The following WDHD1 variants were observed in gnomAD, a reference collection of about 807,000 sequenced individuals.
WDHD1 encodes the protein WD repeat and HMG-box DNA-binding protein 1.
In WDHD1, 111 loss-of-function variants were observed where a neutral mutation model predicts 135.4. The ratio of observed to expected loss-of-function variants is 0.82; its 90% CI spans 0.70 to 0.96. WDHD1 has a LOEUF of 0.96. WDHD1 is among the 40% of genes least tolerant of loss of function. The pLI, the probability that WDHD1 is intolerant of heterozygous loss-of-function variation, is 0.00. For missense variants in WDHD1, 1,351 were observed against 1,336.3 expected (o/e 1.01, Z -0.17); for synonymous variants, 434 against 439.0 (o/e 0.99, Z 0.14).
At chr14:55,009,709 G>A (rs1019086250) in intron 4 of WDHD1, among the ~76,000 whole-genome samples, 27 of 152,162 alleles carry the variant, frequency 1.8e-4, no homozygotes, top group Non-Finnish European at 3.5e-4. Flanking sequence ...TGGGATTACA[G>A]GCATGAGCCA....
intron 16 of WDHD1, among the ~76,000 whole-genome samples, chr14:54,974,722 G>A (rs2041496658): frequency 6.6e-6 from 1 of 152,126 alleles, no homozygotes; most frequent in Non-Finnish European, 1.5e-5. Context: ...AGCTACTTGG[G>A]AGGCTGAGGC....
chr14:54,943,905 AC>A (rs1172610327), intron 25 of WDHD1, among the ~76,000 whole-genome samples: 1 of 152,000 alleles, frequency 6.6e-6, no homozygotes, highest in Non-Finnish European at 1.5e-5. Flanking sequence ...AGCCATGATC[AC>A]ACCACGACAC....
chr14:54,944,646 G>A (rs1301194957), intron 24 of WDHD1, 176 bp from the exon 25 acceptor site: 339 of 476,980 alleles, frequency 7.1e-4, no homozygotes, highest in Admixed American at 1.9e-3. Flanking sequence ...TTGAGACAGA[G>A]TCTCACTCTG....
At chr14:54,987,437 CATAT>C in intron 13 of WDHD1, 50 bp from the exon 14 acceptor site, 5 of 1,349,926 alleles carry the variant, frequency 3.7e-6, no homozygotes, top group Non-Finnish European at 5.0e-6. Context: ...ATGATATTTA[CATAT>C]ATATATATAT....
At chr14:54,955,448 C>T in intron 24 of WDHD1, 113 bp downstream of exon 24, 1 of 1,118,434 alleles carries the variant, frequency 8.9e-7, no homozygotes. Flanking sequence ...TGCCCACTAC[C>T]AATGCCAATG....
At chr14:54,989,235 A>G (rs1467800495) in intron 12 of WDHD1, 23 bp from the exon 13 acceptor site, 10 of 1,579,464 alleles carry the variant, frequency 6.3e-6, no homozygotes, top group South Asian at 2.4e-5. Context: ...AAGATTAAAT[A>G]TAAGTCTGAG....
At chr14:54,969,329 A>T (rs2041394943) in intron 16 of WDHD1, among the ~76,000 whole-genome samples, 1 of 142,636 alleles carries the variant, frequency 7.0e-6, no homozygotes, top group Non-Finnish European at 1.5e-5. Flanking sequence ...CCCAGCATTA[A>T]GACTCCGTTT....
intron 3 of WDHD1, among the ~76,000 whole-genome samples, chr14:55,011,412 T>C (rs1287237064): frequency 1.3e-5 from 2 of 150,810 alleles, no homozygotes; most frequent in African/African-American, 4.9e-5. Flanking sequence ...GGCAGCCAGC[T>C]GTTTGGGAGG....
intron 2 of WDHD1, among the ~76,000 whole-genome samples, chr14:55,022,129 G>A (rs2042359712): frequency 6.6e-6 from 1 of 152,140 alleles, no homozygotes; most frequent in South Asian, 2.1e-4. Context: ...CAGGGGCATT[G>A]CCCAACATTA....
rs757861218 is a variant in WDHD1 at position 55,008,338 on chromosome 14, C to CT, written c.481dup (p.Arg161LysfsTer13). 4.3e-6 allele frequency: 7 copies of CT among 1,613,596 alleles called. No homozygotes were observed. Among genetic ancestry groups the CT allele is most frequent in the Non-Finnish European group, 3.4e-6 (4 of 1,179,740 alleles). Reference sequence around the variant, plus strand: ...TACCTGATCTGAAATTTGCCACACTCTGACAGATCCATCACAACTAGCTGA... The same window carrying CT: ...TACCTGATCTGAAATTTGCCACACTCTTGACAGATCCATCACAACTAGCTGA... On this transcript the variant is annotated frameshift_variant, in exon 6 of 26. Transcript: ENST00000360586. LOFTEE classifies it high-confidence loss of function.
intron 24 of WDHD1, among the ~76,000 whole-genome samples, chr14:54,953,608 A>C (rs376937332): frequency 7.9e-5 from 12 of 152,218 alleles, no homozygotes; most frequent in African/African-American, 2.2e-4. Flanking sequence ...TTGACCCAGC[A>C]ATCCCATTAC....
rs1203634724 is a variant in WDHD1 at position 54,939,576 on chromosome 14, C to A, written c.*1914G>T. On this transcript the variant is annotated 3_prime_UTR_variant, in exon 26 of 26. Transcript: ENST00000360586. ...TTTTCACTTTCATACTATTCAGTCC[C>A]AATTCTCTGGAAAAAAAAAAAAGAA... 1 of 77,386 alleles carries A rather than the reference C, an allele frequency of 1.3e-5. No individual in the cohort carries two copies. The allele number at this position is 77,386 out of a possible 1,614,324, so 4.8% of individuals were successfully genotyped here. A position where few individuals can be genotyped will look rare whatever the true frequency, so the allele number is the denominator to read the frequency against.
intron 21 of WDHD1, among the ~76,000 whole-genome samples, chr14:54,959,379 C>T (rs1162581122): frequency 9.1e-6 from 1 of 109,424 alleles, no homozygotes; most frequent in Non-Finnish European, 1.9e-5. Context: ...ACCTGGATGA[C>T]AGTCACACCC....
At chr14:55,004,434 C>CA (rs994333817) in intron 7 of WDHD1, among the ~76,000 whole-genome samples, 1 of 150,880 alleles carries the variant, frequency 6.6e-6, no homozygotes, top group Non-Finnish European at 1.5e-5. Flanking sequence ...TGGACTTTCC[C>CA]TTTTTTTTTA....
At chr14:55,022,143 G>T (rs1000091189) in intron 2 of WDHD1, among the ~76,000 whole-genome samples, 2 of 152,166 alleles carry the variant, frequency 1.3e-5, no homozygotes, top group Admixed American at 1.3e-4. Context: ...AACATTAAAA[G>T]AATTTTAAAG....
rs1212887293 is a variant in WDHD1 at position 55,013,490 on chromosome 14, A to G, written c.184T>C (p.Leu62=). Reference sequence around the variant, plus strand: ...GATATAACTGTTTTTACTACCTTCAAAGCACATGAATATGCCTTTTCTCCA... The same window carrying G: ...GATATAACTGTTTTTACTACCTTCAGAGCACATGAATATGCCTTTTCTCCA... The part of the protein sequence containing the change: ...NVGEKAYSCA[L]KSGKLVTAVS... Residue 62 remains leucine (L), a synonymous_variant, in exon 3 of 26, where the codon TTG becomes CTG. Transcript: ENST00000360586. The G allele has an allele frequency of 6.2e-7, 1 of 1,611,444 alleles. No individual in the cohort carries two copies. The highest frequency in any genetic ancestry group is 8.5e-7 in the Non-Finnish European group (1 of 1,177,802).
At position 54,987,260 on chromosome 14, in the gene WDHD1, G is replaced by A. The variant is rs1211159638; in HGVS notation, c.1654C>T (p.Leu552=). 6.2e-7 allele frequency: 1 copy of A among 1,614,078 alleles called. No individual in the cohort carries two copies. The highest frequency in any genetic ancestry group is 1.1e-5 in the South Asian group (1 of 91,068). The change falls in exon 14 of 26, where the codon CTG becomes TTG. Residue 552 remains leucine (L), a synonymous_variant. Coordinates refer to ENST00000360586, the MANE Select transcript of WDHD1 (RefSeq NM_007086.4). The part of the protein sequence containing the change: ...QGWAAAATSA[L]LLRLFTIGGV... Reference sequence around the variant, plus strand: ...CCAATAGTAAACAATCGAAGAAGCAGGGCACTAGTAGCGGCAGCAGCCCAT... The same window carrying A: ...CCAATAGTAAACAATCGAAGAAGCAAGGCACTAGTAGCGGCAGCAGCCCAT...
At chr14:55,002,519 C>T (rs1002076994) in intron 7 of WDHD1, among the ~76,000 whole-genome samples, 7 of 152,120 alleles carry the variant, frequency 4.6e-5, no homozygotes, top group Non-Finnish European at 1.0e-4. Context: ...GATAATTTGT[C>T]ATGGGAAGAG....
At chr14:54,965,857 G>C (rs1246904691) in intron 18 of WDHD1, among the ~76,000 whole-genome samples, 3 of 151,834 alleles carry the variant, frequency 2.0e-5, no homozygotes, top group African/African-American at 7.3e-5. Flanking sequence ...TCGGAAGGTT[G>C]AGGCAGGAGA....
Sources: allele counts gnomAD v4.1 joint callset (sites outside exome capture counted in the v4.1 genomes callset), GRCh38; gene constraint gnomAD v4.1.1; transcripts MANE v1.5; gene names NCBI Gene and HGNC (gene_info 2026-07-23, HGNC 2026-07-21).